Variants in SUN1 observed in about 807,000 individuals in gnomAD.
SUN1 encodes Sad1 and UNC84 domain containing 1.
A neutral mutation model predicts 103.2 loss-of-function variants in SUN1; 61 were observed. The ratio of observed to expected loss-of-function variants is 0.59; its 90% CI spans 0.48 to 0.73. SUN1 has a LOEUF of 0.73. SUN1 is among the 30% of genes least tolerant of loss of function. The pLI is 0.00. For synonymous variants in SUN1, 490 were observed against 425.7 expected (o/e 1.15, Z -1.86); for missense variants, 1,052 against 1,034.6 (o/e 1.02, Z -0.23).
At chr7:861,565 C>G in intron 15 of SUN1, 101 bp downstream of exon 15, 1 of 1,133,640 alleles carries the variant, frequency 8.8e-7, no homozygotes, top group Middle Eastern at 2.0e-4. Context: ...GCAGTAAGGA[C>G]TCCTAACTTT....
upstream of SUN1, among the ~76,000 whole-genome samples, chr7:830,433 A>T (rs535098124): frequency 3.9e-5 from 6 of 152,336 alleles, no homozygotes; most frequent in African/African-American, 1.4e-4. Context: ...CTCGTTTCAA[A>T]GTGTTAGGAA....
intron 5 of SUN1, among the ~76,000 whole-genome samples, chr7:849,077 A>G (rs6461400): frequency 0.84 from 128,068 of 151,910 alleles, 54,588 homozygotes; most frequent in East Asian, 1. Flanking sequence ...TCAGCCTCCC[A>G]AGTAGCTGGG....
chr7:844,937 C>T (rs569169015), intron 5 of SUN1, among the ~76,000 whole-genome samples: 28 of 152,174 alleles, frequency 1.8e-4, no homozygotes, highest in Non-Finnish European at 4.0e-4. Flanking sequence ...TGAGCCGTGG[C>T]GTAGCTTAAT....
At chr7:839,251 G>A (rs986638937) in intron 2 of SUN1, 14 of 372,438 alleles carry the variant, frequency 3.8e-5, no homozygotes, top group South Asian at 1.8e-4. Context: ...TGCACGCCAC[G>A]TGCAGTGCCA....
At chr7:869,233 G>C in intron 16 of SUN1, 116 bp from the exon 17 acceptor site, 1 of 1,338,206 alleles carries the variant, frequency 7.5e-7, no homozygotes, top group Non-Finnish European at 1.0e-6. Context: ...GCTCATGGCA[G>C]TTTCTACCAT....
At chr7:838,691 T>C in intron 1 of SUN1, 107 bp from the exon 2 acceptor site, 3 of 1,164,496 alleles carry the variant, frequency 2.6e-6, no homozygotes, top group Non-Finnish European at 3.5e-6. Flanking sequence ...TAATAGTTGC[T>C]CTTGAAAATC....
intron 11 of SUN1, 114 bp from the exon 12 acceptor site, chr7:856,244 C>T (rs1827165602): frequency 9.1e-7 from 1 of 1,097,732 alleles, no homozygotes; most frequent in Admixed American, 2.0e-5. Context: ...CAGATCTGGA[C>T]TTTGAATTAA....
At chr7:872,020 A>G (rs4722023) in intron 17 of SUN1, among the ~76,000 whole-genome samples, 118,240 of 152,014 alleles carry the variant, frequency 0.78, 46,128 homozygotes, top group Admixed American at 0.83. Context: ...TTAGGCCGGC[A>G]CTCGCTCCCT....
At chr7:817,538 A>G in intron 1 of SUN1, 1 of 1,533,818 alleles carries the variant, frequency 6.5e-7, no homozygotes. Context: ...CTCGCTTTGC[A>G]GCTTGTGGTT....
chr7:824,889 T>C (rs1790031822), intron 1 of SUN1, among the ~76,000 whole-genome samples: 1 of 152,084 alleles, frequency 6.6e-6, no homozygotes, highest in African/African-American at 2.4e-5. Context: ...GGCTGGGTGC[T>C]CCAGGGGTGC....
intron 1 of SUN1, among the ~76,000 whole-genome samples, chr7:819,642 A>G (rs1388649933): frequency 6.7e-6 from 1 of 148,888 alleles, no homozygotes; most frequent in African/African-American, 2.5e-5. Context: ...AATTGATTAG[A>G]TGTGTGGGTT....
rs183414264 is a variant in SUN1, at chr7:838,483, G to A, written c.78-315G>A. ...ACTCTGATGTGTTTATAGCAAGGAC[G>A]TAGGTGGGGACTCAGGGCTCTAGCA... On this transcript the variant is annotated intron_variant, in intron 1 of 18. Coordinates refer to ENST00000401592, the MANE Select transcript of SUN1 (RefSeq NM_001130965.3). Among the ~76,000 whole-genome samples the A allele has an allele frequency of 2.8e-3, 424 of 152,302 alleles. 3 individuals carry two copies. Among genetic ancestry groups the A allele is most frequent in the African/African-American group, 9.2e-3 (383 of 41,556 alleles).
At chr7:821,851 T>G (rs1480789899) in intron 1 of SUN1, among the ~76,000 whole-genome samples, 1 of 152,186 alleles carries the variant, frequency 6.6e-6, no homozygotes, top group African/African-American at 2.4e-5. Flanking sequence ...TCAGGCAGAT[T>G]GGAAACAGGA....
intron 5 of SUN1, among the ~76,000 whole-genome samples, chr7:846,013 A>G (rs1479714001): frequency 1.3e-5 from 2 of 152,094 alleles, no homozygotes; most frequent in Non-Finnish European, 2.9e-5. Flanking sequence ...CTTTCCTGAA[A>G]TGCCATCACG....
upstream of SUN1, among the ~76,000 whole-genome samples, chr7:829,182 G>A (rs752604178): frequency 6.6e-6 from 1 of 152,348 alleles, no homozygotes; most frequent in South Asian, 2.1e-4. Context: ...CTTACTGTGT[G>A]GTTACTGATC....
At position 873,245 on chromosome 7, in the gene SUN1, G is replaced by A; in HGVS notation, c.2272G>A (p.Val758Met). ...KRPDDTAFQIVELRIFSNWGH... is the reference protein window; with the variant it reads ...KRPDDTAFQIMELRIFSNWGH... ...ACCCGACGACACAGCTTTCCAAATA[G>A]TGGAACTTCGGATTTTTTCTAACTG... The change falls in exon 19 of 19, where the codon GTG (valine) becomes ATG (methionine). Residue 758 changes from valine (V) to methionine (M), a missense_variant. Physicochemically the swap from Val to Met is conservative, Grantham distance 21. This residue lies in a region of SUN1 where 206 missense variants were observed against 260.1 expected (regional missense o/e 0.79). Coordinates refer to ENST00000401592, the MANE Select transcript of SUN1 (RefSeq NM_001130965.3). 6.2e-7 allele frequency: 1 copy of A among 1,614,248 alleles called. No individual in the cohort carries two copies. Among genetic ancestry groups the A allele is most frequent in the Non-Finnish European group, 8.5e-7 (1 of 1,180,050 alleles).
At chr7:853,905 T>C (rs1025122878) in intron 10 of SUN1, among the ~76,000 whole-genome samples, 1 of 152,148 alleles carries the variant, frequency 6.6e-6, no homozygotes, top group African/African-American at 2.4e-5. Flanking sequence ...CCGTGGTCTT[T>C]CCTGTCCTGT....
At chr7:866,133 G>C in intron 16 of SUN1, 66 bp downstream of exon 16, 1 of 1,386,042 alleles carries the variant, frequency 7.2e-7, no homozygotes, top group Non-Finnish European at 1.0e-6. Context: ...TTCACGGGTC[G>C]TAGGTCCACA....
chr7:824,083 G>A (rs1789023642), intron 1 of SUN1, among the ~76,000 whole-genome samples: 1 of 152,204 alleles, frequency 6.6e-6, no homozygotes, highest in African/African-American at 2.4e-5. Flanking sequence ...ACCAGACATG[G>A]TGTGGCCAAA....
Sources: gnomAD v4.1 joint callset for allele counts (sites outside exome capture counted in the v4.1 genomes callset) on GRCh38, gnomAD v4.1.1 for gene constraint, gnomAD v4.1.1 regional missense constraint, MANE v1.5 for transcripts, NCBI Gene and HGNC (gene_info 2026-07-23, HGNC 2026-07-21) for gene names.